LRP11: variants seen among roughly 807,000 people sequenced by gnomAD.
LRP11 encodes the protein LDL receptor related protein 11.
In LRP11, 25 loss-of-function variants were observed where a neutral mutation model predicts 43.1. The ratio of observed to expected loss-of-function variants is 0.58; its 90% CI spans 0.42 to 0.81. LRP11 has a LOEUF of 0.81. Among genes scored for constraint, LRP11 ranks in the 30% least tolerant of loss-of-function variants. LRP11 has a pLI of 0.00. For synonymous variants in LRP11, 316 were observed against 299.4 expected, an observed-to-expected ratio of 1.06 and a Z score of -0.57; for missense variants, 623 against 665.1, an observed-to-expected ratio of 0.94 and a Z score of 0.70.
At chr6:149,836,915 A>G (rs1035496903) in intron 4 of LRP11, among the ~76,000 whole-genome samples, 2 of 151,978 alleles carry the variant, frequency 1.3e-5, no homozygotes, top group African/African-American at 2.4e-5. Context: ...ACTTCATTAC[A>G]TTTTCTTCAG....
intron 1 of LRP11, among the ~76,000 whole-genome samples, chr6:149,859,546 T>C (rs1776860134): frequency 6.6e-6 from 1 of 151,210 alleles, no homozygotes; most frequent in African/African-American, 2.4e-5. Flanking sequence ...CAGGCGTGTG[T>C]CAACAAACCA....
In LRP11 at chr6:149,819,256, G is replaced by A. The variant is rs983713156; in HGVS notation, c.*1293C>T. ...TTTAGGTTCAGTCTAAAAATAAAGC[G>A]TACTAGATTCTGGAGTGTTTTTCAA... On this transcript the variant is annotated 3_prime_UTR_variant, in exon 7 of 7. Transcript: ENST00000239367. 12 of 152,114 alleles carry A rather than the reference G, an allele frequency of 7.9e-5. No individual in the cohort carries two copies. Among genetic ancestry groups the A allele is most frequent in the African/African-American group, 2.7e-4 (11 of 41,464 alleles). 9.4% of individuals were successfully genotyped at this position (152,114 alleles called of 1,614,324 possible). A position where few individuals can be genotyped will look rare whatever the true frequency, so the allele number is the denominator to read the frequency against.
intron 1 of LRP11, among the ~76,000 whole-genome samples, chr6:149,856,536 T>G (rs184949090): frequency 6.6e-6 from 1 of 152,318 alleles, no homozygotes; most frequent in South Asian, 2.1e-4. Context: ...TGTGCCATTT[T>G]AAAATGTGTG....
intron 5 of LRP11, among the ~76,000 whole-genome samples, chr6:149,834,409 T>A (rs946587578): frequency 1.3e-5 from 2 of 152,216 alleles, no homozygotes; most frequent in African/African-American, 4.8e-5. Flanking sequence ...TTATTCAAGG[T>A]TCTAAAGGTA....
rs1776470980 is a variant in LRP11, at chr6:149,836,296, C to G, written c.1041G>C (p.Leu347=). Reference sequence around the variant, plus strand: ...GGGTTACCATCTTGCGGTCCAGGCCCACTGAAGTGTGGAAGAGCTACTGTT... The same window carrying G: ...GGGTTACCATCTTGCGGTCCAGGCCGACTGAAGTGTGGAAGAGCTACTGTT... The part of the protein sequence containing the change: ...DGSDEDFCQN[L]GLDRKMVTHT... Residue 347 remains leucine (L), a splice_region_variant and synonymous_variant, in exon 5 of 7, where the codon CTG becomes CTC. Coordinates refer to ENST00000239367, the MANE Select transcript of LRP11 (RefSeq NM_032832.6). 1 of 1,613,876 alleles carries G rather than the reference C, an allele frequency of 6.2e-7. No homozygotes were observed. The highest frequency in any genetic ancestry group is 1.7e-5 in the Admixed American group (1 of 59,984).
At chr6:149,823,866 G>A (rs1776306248) in intron 6 of LRP11, among the ~76,000 whole-genome samples, 1 of 152,064 alleles carries the variant, frequency 6.6e-6, no homozygotes. Context: ...TGGATTCTAC[G>A]GCTGTCTCAT....
chr6:149,836,031 A>C (rs1776466285), intron 5 of LRP11, 54 bp downstream of exon 5: 3 of 1,480,348 alleles, frequency 2.0e-6, no homozygotes, highest in Non-Finnish European at 2.8e-6. Context: ...TTGTGAGCCA[A>C]GTTTGGCTAC....
chr6:149,862,320 T>C (rs1211376200), intron 1 of LRP11, among the ~76,000 whole-genome samples: 2 of 152,210 alleles, frequency 1.3e-5, no homozygotes, highest in Non-Finnish European at 2.9e-5. Context: ...TCCGCCCCCA[T>C]CTTGCTGATA....
chr6:149,836,365 C>T (rs1776471767), intron 4 of LRP11, 68 bp from the exon 5 acceptor site: 2 of 1,317,514 alleles, frequency 1.5e-6, no homozygotes, highest in South Asian at 1.2e-5. Flanking sequence ...AAAAACACTA[C>T]ATCTGCAGCT....
intron 2 of LRP11, among the ~76,000 whole-genome samples, chr6:149,848,768 C>A (rs7769101): frequency 0.46 from 66,408 of 145,418 alleles, 15,641 homozygotes; most frequent in East Asian, 0.81. Flanking sequence ...AGAAAAAAAA[C>A]AAAACTGCTG....
intron 6 of LRP11, 31 bp from the exon 7 acceptor site, chr6:149,820,734 G>T (rs767351238): frequency 1.3e-6 from 1 of 778,200 alleles, no homozygotes; most frequent in Non-Finnish European, 2.4e-6. Flanking sequence ...AAGAGGGCAA[G>T]CCAGTGATTA....
At chr6:149,857,120 T>C (rs925317395) in intron 1 of LRP11, among the ~76,000 whole-genome samples, 28 of 152,226 alleles carry the variant, frequency 1.8e-4, no homozygotes, top group African/African-American at 6.8e-4. Context: ...GAGAAAATTA[T>C]AACAGTGAAA....
intron 2 of LRP11, among the ~76,000 whole-genome samples, chr6:149,848,655 C>T (rs984035490): frequency 6.6e-5 from 10 of 152,028 alleles, no homozygotes; most frequent in Admixed American, 5.9e-4. Flanking sequence ...CACATGTTCT[C>T]ACTTATAAGT....
chr6:149,835,577 C>A (rs1776460679), intron 5 of LRP11, among the ~76,000 whole-genome samples: 1 of 152,120 alleles, frequency 6.6e-6, no homozygotes, highest in South Asian at 2.1e-4. Context: ...CACTGTACTC[C>A]AGCCTGGGAA....
At chr6:149,837,306 C>T (rs1255890649) in intron 4 of LRP11, 32 bp downstream of exon 4, 1 of 1,604,744 alleles carries the variant, frequency 6.2e-7, no homozygotes, top group Non-Finnish European at 8.5e-7. Flanking sequence ...CCCTTCCAGC[C>T]ACTGCCTAGC....
intron 2 of LRP11, among the ~76,000 whole-genome samples, chr6:149,844,156 G>T (rs1177254344): frequency 6.6e-6 from 1 of 151,836 alleles, no homozygotes; most frequent in African/African-American, 2.4e-5. Flanking sequence ...GGGAGGCTGA[G>T]GCAGGAGAAT....
At chr6:149,838,076 C>T (rs1381312957) in intron 3 of LRP11, among the ~76,000 whole-genome samples, 3 of 151,900 alleles carry the variant, frequency 2.0e-5, no homozygotes, top group Non-Finnish European at 4.4e-5. Context: ...CACCACCACA[C>T]CCGGTTAATT....
intron 5 of LRP11, among the ~76,000 whole-genome samples, chr6:149,832,434 T>C (rs1776420027): frequency 6.6e-6 from 1 of 151,986 alleles, no homozygotes; most frequent in Non-Finnish European, 1.5e-5. Flanking sequence ...GTGATTTGCC[T>C]GCCTCGGCCT....
intron 2 of LRP11, among the ~76,000 whole-genome samples, chr6:149,847,588 T>C (rs1166359384): frequency 6.6e-6 from 1 of 152,164 alleles, no homozygotes; most frequent in African/African-American, 2.4e-5. Flanking sequence ...AAAAACTATC[T>C]ATATATGTAC....
Sources: gnomAD v4.1 joint callset for allele counts (sites outside exome capture counted in the v4.1 genomes callset) on GRCh38, gnomAD v4.1.1 for gene constraint, MANE v1.5 for transcripts, NCBI Gene and HGNC (gene_info 2026-07-23, HGNC 2026-07-21) for gene names.